The following XAB2 variants were observed in gnomAD, a reference collection of about 807,000 sequenced individuals.
XAB2 encodes pre-mRNA-splicing factor SYF1.
A neutral mutation model predicts 113.4 loss-of-function variants in XAB2; 57 were observed. That is an observed-to-expected ratio of 0.50 (90% CI 0.41 to 0.63). The LOEUF (loss-of-function observed/expected upper bound fraction) is 0.63. Among genes scored for constraint, XAB2 ranks in the 20% least tolerant of loss-of-function variants. The pLI is 0.00. For synonymous variants in XAB2, 497 were observed against 498.8 expected (o/e 1.00, Z 0.05); for missense variants, 1,037 against 1,233.3 (o/e 0.84, Z 2.38).
intron 17 of XAB2, 30 bp downstream of exon 17, chr19:7,619,916 G>T: frequency 6.2e-7 from 1 of 1,609,780 alleles, no homozygotes; most frequent in Admixed American, 1.7e-5. Flanking sequence ...ACCTGTCCCA[G>T]TCCTGTCCCG....
At position 7,622,897 on chromosome 19, in the gene XAB2, C is replaced by T; in HGVS notation, c.1240-4G>A. ...CCTTCTCCAGGATGACACGGGCCTG[C>T]CGGGGCGGGCAGAGGCGAGGCTGAG... On this transcript the variant is annotated splice_polypyrimidine_tract_variant and splice_region_variant and intron_variant, in intron 9 of 18. Coordinates refer to ENST00000358368, the MANE Select transcript of XAB2 (RefSeq NM_020196.3). The T allele has an allele frequency of 6.2e-7, 1 of 1,613,042 alleles. No individual in the cohort carries two copies. Among genetic ancestry groups the T allele is most frequent in the Non-Finnish European group, 8.5e-7 (1 of 1,179,668 alleles).
intron 18 of XAB2, 37 bp downstream of exon 18, chr19:7,619,710 G>A (rs1432888962): frequency 1.9e-6 from 3 of 1,611,172 alleles, no homozygotes; most frequent in South Asian, 1.1e-5. Flanking sequence ...GGCCCACCCT[G>A]GTAATGCCAC....
chr19:7,622,063 C>T lies in XAB2; in HGVS notation c.1617+268G>A, dbSNP rs776462500. ...TAAGAAGAGGAAATTTCAAAAGTGA[C>T]ACACACAAAGAGAAGGCCACACAAA... is the stretch of plus-strand genomic sequence containing the variant. On this transcript the variant is annotated intron_variant, in intron 12 of 18. Transcript: ENST00000358368. 5.1e-6 allele frequency: 2 copies of T among 395,506 alleles called. 1 individual carries two copies. The highest frequency in any genetic ancestry group is 6.4e-5 in the South Asian group (2 of 31,328). The allele number at this position is 395,506 out of a possible 1,614,324, so 24.5% of individuals were successfully genotyped here.
In XAB2 at chr19:7,627,443, G is replaced by C; in HGVS notation, c.325-3C>G. The C allele has an allele frequency of 1.2e-6, 2 of 1,601,800 alleles. No homozygotes were observed. Among genetic ancestry groups the C allele is most frequent in the Non-Finnish European group, 1.7e-6 (2 of 1,175,550 alleles). On this transcript the variant is annotated splice_polypyrimidine_tract_variant and splice_region_variant and intron_variant, in intron 3 of 18. Coordinates refer to ENST00000358368, the MANE Select transcript of XAB2 (RefSeq NM_020196.3). This position sits in a 1 kb window ranked among gnomAD's most constrained non-coding sequence, Gnocchi z 4.5. ...TAATCTAGCCACAGACGAGGCATCT[G>C]GGGGTGTGGGGAGAGGCGGCTGGGG...
chr19:7,622,228 G>A lies in XAB2; in HGVS notation c.1617+103C>T, dbSNP rs141848223. On this transcript the variant is annotated intron_variant, in intron 12 of 18. Coordinates refer to ENST00000358368, the MANE Select transcript of XAB2 (RefSeq NM_020196.3). ...CTTTGTTGTTTAAGTCACCCAGTCTGTATACTGTGTCACACAAGCCCCAGC... is the reference window on the plus strand; with the variant it reads ...CTTTGTTGTTTAAGTCACCCAGTCTATATACTGTGTCACACAAGCCCCAGC... 3.7e-5 allele frequency: 41 copies of A among 1,100,436 alleles called. No homozygotes were observed. The East Asian group carries it at 9.2e-4, about 25-fold the overall frequency. The allele number at this position is 1,100,436 out of a possible 1,614,324, so 68.2% of individuals were successfully genotyped here.
At chr19:7,622,952 CA>C in intron 9 of XAB2, 59 bp from the exon 10 acceptor site, 2 of 1,593,712 alleles carry the variant, frequency 1.3e-6, no homozygotes, top group Non-Finnish European at 1.7e-6. Context: ...CTCCCACCAT[CA>C]AGGGTCAGAA....
rs4134846 is a variant in XAB2, at chr19:7,623,153, C to T, written c.1239+17G>A. 202,730 of 1,612,208 alleles carry T rather than the reference C, an allele frequency of 0.13. 13,794 individuals carry two copies. The highest frequency in any genetic ancestry group is 0.14 in the Non-Finnish European group (167,754 of 1,179,308). On this transcript the variant is annotated intron_variant, in intron 9 of 18. Transcript: ENST00000358368. The surrounding 1 kb of genome is among the most constrained non-coding windows in gnomAD (Gnocchi z 4.6). ...ACACATGCATGAACACACAGGCACA[C>T]GCAACAGGGTGCTCACATCGTCCAG...
intron 11 of XAB2, 42 bp downstream of exon 11, chr19:7,622,488 T>G (rs2031054715): frequency 6.2e-7 from 1 of 1,613,820 alleles, no homozygotes; most frequent in Non-Finnish European, 8.5e-7. Context: ...GTTCTGGAGC[T>G]GAGTCCGGGG....
chr19:7,626,118 G>A lies in XAB2; in HGVS notation c.657+18C>T, dbSNP rs4134836. ...GGGGTGGCCCTCCCACCCAGTTGCC[G>A]GCTCCCGGCAGGCCCACCTGGTAGT... On this transcript the variant is annotated intron_variant, in intron 5 of 18. Coordinates refer to ENST00000358368, the MANE Select transcript of XAB2 (RefSeq NM_020196.3). The A allele has an allele frequency of 2.1e-4, 331 of 1,613,032 alleles. 1 individual carries two copies. Among genetic ancestry groups the A allele is most frequent in the Middle Eastern group, 2.0e-3 (12 of 6,060 alleles).
intron 12 of XAB2, 59 bp from the exon 13 acceptor site, chr19:7,621,356 G>A (rs547369613): frequency 1.3e-5 from 21 of 1,586,700 alleles, no homozygotes; most frequent in East Asian, 2.2e-5. Context: ...CCAGGCACCC[G>A]GGATGTCCTT....
At position 7,620,011 on chromosome 19, in the gene XAB2, C is replaced by G. The variant is rs1396271206; in HGVS notation, c.2331G>C (p.Glu777Asp). The change falls in exon 17 of 19, where the codon GAG becomes GAC. Residue 777 changes from glutamate (E) to aspartate (D), a missense_variant. Physicochemically the swap from Glu to Asp is conservative, Grantham distance 45. Coordinates refer to ENST00000358368, the MANE Select transcript of XAB2 (RefSeq NM_020196.3). ...DDMKLLEQRAEQLAAEAERDQ... is the reference protein window; with the variant it reads ...DDMKLLEQRADQLAAEAERDQ... ...CACGCTCCGCCTCAGCCGCCAGCTG[C>G]TCTGCCCGCTGTTCCAGCAGCTTCA... 9 of 1,612,538 alleles carry G rather than the reference C, an allele frequency of 5.6e-6. No individual in the cohort carries two copies. The highest frequency in any genetic ancestry group is 7.6e-6 in the Non-Finnish European group (9 of 1,179,984).
rs575549242 is a variant in XAB2, at chr19:7,625,058, C to T, written c.823-613G>A. ...CCCCCAGCCAGGAGCATGGCCAGCC[C>T]GTTTGGCTTTCGAGGCTCCCAACCT... On this transcript the variant is annotated intron_variant, in intron 6 of 18. Coordinates refer to ENST00000358368, the MANE Select transcript of XAB2 (RefSeq NM_020196.3). The surrounding 1 kb of genome is among the most constrained non-coding windows in gnomAD (Gnocchi z 5.2). Among the ~76,000 whole-genome samples the T allele has an allele frequency of 2.6e-5, 4 of 152,364 alleles. No individual in the cohort carries two copies. The highest frequency in any genetic ancestry group is 7.2e-5 in the African/African-American group (3 of 41,590).
Position 7,620,019 on chromosome 19 carries a change from G to A in XAB2, c.2323C>T (p.Arg775Trp). ...GCCTCAGCCGCCAGCTGCTCTGCCC[G>A]CTGTTCCAGCAGCTTCATGTCGTCC... is the stretch of plus-strand genomic sequence containing the variant. The part of the protein sequence containing the change: ...GMDDMKLLEQ[R>W]AEQLAAEAER... Residue 775 changes from arginine to tryptophan, a missense_variant, in exon 17 of 19, where the codon CGG becomes TGG. Arg to Trp is a moderately radical substitution (Grantham distance 101, BLOSUM62 -3). Transcript: ENST00000358368. 7 of 1,612,482 alleles carry A rather than the reference G, an allele frequency of 4.3e-6. No individual in the cohort carries two copies. Among genetic ancestry groups the A allele is most frequent in the Non-Finnish European group, 5.9e-6 (7 of 1,179,974 alleles).
rs747931729 is a variant in XAB2 at position 7,628,279 on chromosome 19, T to A, written c.71A>T (p.Tyr24Phe). 10 of 1,614,098 alleles carry A rather than the reference T, an allele frequency of 6.2e-6. No individual in the cohort carries two copies. In the South Asian group the frequency reaches 1.1e-4, roughly 18 times the overall value. Residue 24 changes from tyrosine to phenylalanine, a missense_variant, in exon 2 of 19, where the codon TAT becomes TTT. By Grantham distance (22) the Tyr-to-Phe change is conservative (BLOSUM62 3). Transcript: ENST00000358368. The surrounding 1 kb of genome is among the most constrained non-coding windows in gnomAD (Gnocchi z 4.6). ...DLVFEEEDLPYEEEIMRNQFS... is the reference protein window; with the variant it reads ...DLVFEEEDLPFEEEIMRNQFS... ...TTGGTTCCGCATGATTTCCTCCTCA[T>A]AGGGGAGGTCCTCTTCCTCCTGCCA... is the stretch of plus-strand genomic sequence containing the variant.
rs765470262 is a variant in XAB2, at chr19:7,627,226, G to A, written c.522+17C>T. 48 of 1,609,538 alleles carry A rather than the reference G, an allele frequency of 3.0e-5. No homozygotes were observed. Among genetic ancestry groups the A allele is most frequent in the Non-Finnish European group, 3.6e-5 (43 of 1,179,520 alleles). Reference sequence around the variant, plus strand: ...CTGGAAACTAACCTGGGGAACCAGCGCACCTGCTAGGCTCACCTTGAGGAA... The same window carrying A: ...CTGGAAACTAACCTGGGGAACCAGCACACCTGCTAGGCTCACCTTGAGGAA... On this transcript the variant is annotated intron_variant, in intron 4 of 18. Transcript: ENST00000358368. This position sits in a 1 kb window ranked among gnomAD's most constrained non-coding sequence, Gnocchi z 4.5.
rs1213160991 is a variant in XAB2 at position 7,623,746 on chromosome 19, C to G, written c.1104G>C (p.Gln368His). ...HEWHKRVALHQGRPREIINTY... is the reference protein window; with the variant it reads ...HEWHKRVALHHGRPREIINTY... ...CTTCATGTACCTCCCGGGGGCGGCC[C>G]TGGTGCAGGGCGACACGCTTGTGCC... The change falls in exon 8 of 19, where the codon CAG (glutamine) becomes CAC (histidine). Residue 368 changes from glutamine (Q) to histidine (H), a missense_variant. Coordinates refer to ENST00000358368, the MANE Select transcript of XAB2 (RefSeq NM_020196.3). This position sits in a 1 kb window ranked among gnomAD's most constrained non-coding sequence, Gnocchi z 4.6. The G allele has an allele frequency of 1.2e-6, 2 of 1,606,208 alleles. No homozygotes were observed. The highest frequency in any genetic ancestry group is 8.5e-7 in the Non-Finnish European group (1 of 1,177,222).
rs771637396 is a variant in XAB2 at position 7,620,960 on chromosome 19, G to A, written c.1857C>T (p.Ala619=). 1 of 1,581,904 alleles carries A rather than the reference G, an allele frequency of 6.3e-7. No homozygotes were observed. The highest frequency in any genetic ancestry group is 1.2e-5 in the South Asian group (1 of 86,642). ...GCTGGGCGGGCTCCACGGCCCTGGTGGCACGCTCGTACACGGCCATGGCAT... is the reference window on the plus strand; with the variant it reads ...GCTGGGCGGGCTCCACGGCCCTGGTAGCACGCTCGTACACGGCCATGGCAT... ...ARHAMAVYER[A]TRAVEPAQQY... is the part of the protein sequence containing the mutation. Residue 619 remains alanine (A), a synonymous_variant, in exon 14 of 19, where the codon GCC becomes GCT. Transcript: ENST00000358368.
In XAB2 at chr19:7,623,836, G is replaced by A. The variant is rs757487475; in HGVS notation, c.1014C>T (p.Ile338=). ...ELRLARFEQL[I]SRRPLLLNSV... The stretch of plus-strand genomic sequence containing the variant: ...TGTTGAGGAGCAGGGGCCGCCGGCT[G>A]ATGAGCTGCTCGAAGCGGGCCAGGC... The change falls in exon 8 of 19, where the codon ATC becomes ATT. Residue 338 remains isoleucine (I), a synonymous_variant. Transcript: ENST00000358368. This position sits in a 1 kb window ranked among gnomAD's most constrained non-coding sequence, Gnocchi z 4.6. The A allele has an allele frequency of 6.2e-7, 1 of 1,609,600 alleles. No individual in the cohort carries two copies. Among genetic ancestry groups the A allele is most frequent in the South Asian group, 1.1e-5 (1 of 90,880 alleles).
chr19:7,622,859 T>G lies in XAB2; in HGVS notation c.1274A>C (p.Asn425Thr). The change falls in exon 10 of 19, where the codon AAC becomes ACC. Residue 425 changes from asparagine (N) to threonine (T), a missense_variant. Asn to Thr is a moderately conservative substitution (Grantham distance 65). Transcript: ENST00000358368. ...RVILEKATKV[N>T]FKQVDDLASV... ...TGCCAGGTCATCCACCTGCTTGAAG[T>G]TCACCTTGGTGGCCTTCTCCAGGAT... 1 of 1,613,882 alleles carries G rather than the reference T, an allele frequency of 6.2e-7. No homozygotes were observed. Among genetic ancestry groups the G allele is most frequent in the Non-Finnish European group, 8.5e-7 (1 of 1,179,960 alleles).
Sources: allele counts gnomAD v4.1 joint callset (sites outside exome capture counted in the v4.1 genomes callset), GRCh38; gene constraint gnomAD v4.1.1; non-coding constraint Gnocchi (gnomAD v3.1); transcripts MANE v1.5; gene names NCBI Gene and HGNC (gene_info 2026-07-23, HGNC 2026-07-21).